Variants in TFDP1 observed in about 807,000 individuals in gnomAD.
TFDP1 encodes DRTF1-polypeptide 1.
Under a neutral mutation model 48.0 loss-of-function variants are expected in TFDP1, and 6 were observed. The observed-to-expected ratio is 0.13, with a 90% CI of 0.07 to 0.25. The LOEUF (loss-of-function observed/expected upper bound fraction) is 0.25, where lower values mean the gene tolerates loss of function less well. Ranked by LOEUF, TFDP1 falls within the 10% of genes least tolerant of loss-of-function variation. TFDP1 has a pLI of 1.00. For missense variants in TFDP1, 335 were observed against 543.0 expected, an observed-to-expected ratio of 0.62 and a Z score of 3.81; for synonymous variants, 201 against 211.6, an observed-to-expected ratio of 0.95 and a Z score of 0.44.
At chr13:113,625,305 C>T (rs74529467) in intron 4 of TFDP1, among the ~76,000 whole-genome samples, 1 of 65,826 alleles carries the variant, frequency 1.5e-5, no homozygotes, top group Non-Finnish European at 2.6e-5. Context: ...GTGTCTCTCA[C>T]GTGTCCTCAC....
chr13:113,625,392 GTCTCACGTGTCCTCAGGTGTC>G (rs2049123098), intron 4 of TFDP1, among the ~76,000 whole-genome samples: 5 of 64,602 alleles, frequency 7.7e-5, no homozygotes, highest in Admixed American at 2.0e-4. Context: ...GTCCTCAGGC[GTCTCACGTGTCCTCAGGTGTC>G]TCTCACGTGT....
intron 3 of TFDP1, among the ~76,000 whole-genome samples, chr13:113,614,382 G>T (rs559216354): frequency 1.3e-5 from 2 of 152,152 alleles, no homozygotes; most frequent in Non-Finnish European, 2.9e-5. Flanking sequence ...GGTCCTCGGC[G>T]CCCTTAGATG....
At chr13:113,638,249 C>T (rs2049548037) in intron 11 of TFDP1, among the ~76,000 whole-genome samples, 1 of 152,130 alleles carries the variant, frequency 6.6e-6, no homozygotes, top group South Asian at 2.1e-4. Context: ...CGTCTGCGGT[C>T]ACAGCGCACG....
chr13:113,586,325 A>G (rs1047183739), intron 2 of TFDP1: 3 of 154,042 alleles, frequency 1.9e-5, no homozygotes, highest in Non-Finnish European at 2.9e-5. Context: ...ACCAAGAGCT[A>G]AGGACTTGTT....
At position 113,640,449 on chromosome 13, in the gene TFDP1, A is replaced by T. The variant is rs1594552038; in HGVS notation, c.*182A>T. The T allele has an allele frequency of 7.0e-6, 7 of 994,080 alleles. No individual in the cohort carries two copies. Among genetic ancestry groups the T allele is most frequent in the Non-Finnish European group, 9.8e-6 (7 of 716,248 alleles). The allele number at this position is 994,080 out of a possible 1,614,324, so 61.6% of individuals were successfully genotyped here. A position where few individuals can be genotyped will look rare whatever the true frequency, so the allele number is the denominator to read the frequency against. On this transcript the variant is annotated 3_prime_UTR_variant, in exon 12 of 12. Coordinates refer to ENST00000375370, the MANE Select transcript of TFDP1 (RefSeq NM_007111.5). ...CCCGTAGGATTAGGACGTGCTGTGG[A>T]TGTGTGTTTTGATACCAGTGTGCTG...
chr13:113,593,742 T>C (rs1206584378), intron 2 of TFDP1, among the ~76,000 whole-genome samples: 3 of 140,474 alleles, frequency 2.1e-5, no homozygotes, highest in South Asian at 4.7e-4. Context: ...GTGATAGGTG[T>C]GGTGTGCGCG....
chr13:113,634,470 G>C, intron 7 of TFDP1, 64 bp from the exon 8 acceptor site: 1 of 1,432,196 alleles, frequency 7.0e-7, no homozygotes, highest in East Asian at 2.3e-5. Context: ...GAGGATGTGG[G>C]TTTTAAAAAA....
intron 3 of TFDP1, among the ~76,000 whole-genome samples, chr13:113,617,531 TTCACCTGCAGAGCCGC>T (rs1298643258): frequency 1.5e-5 from 2 of 136,956 alleles, no homozygotes; most frequent in African/African-American, 5.6e-5. Context: ...TGCAGAACCA[TTCACCTGCAGAGCCGC>T]TCACCTGCAG....
chr13:113,594,287 T>TGGCA (rs1204980102), intron 2 of TFDP1, among the ~76,000 whole-genome samples: 1 of 149,996 alleles, frequency 6.7e-6, no homozygotes, highest in Non-Finnish European at 1.5e-5. Flanking sequence ...CCTGTCCAGG[T>TGGCA]GGCAGGTGTC....
chr13:113,586,166 G>T, intron 2 of TFDP1: 1 of 235,632 alleles, frequency 4.2e-6, no homozygotes. Context: ...TTAAATTGAG[G>T]TGGAGGGTGT....
chr13:113,619,481 C>CAAA (rs1162300447), intron 3 of TFDP1, among the ~76,000 whole-genome samples: 15 of 110,498 alleles, frequency 1.4e-4, no homozygotes, highest in African/African-American at 2.9e-4. Flanking sequence ...AAAAAAAAAA[C>CAAA]AAAAAAAAAA....
chr13:113,589,408 T>C lies in TFDP1; in HGVS notation c.12+3559T>C, dbSNP rs570088380. ...CAAGATTATGGGCTGCTCCTGGCAATATGGGGAGGATTTCCTTGCTGTGGG... is the reference window on the plus strand; with the variant it reads ...CAAGATTATGGGCTGCTCCTGGCAACATGGGGAGGATTTCCTTGCTGTGGG... On this transcript the variant is annotated intron_variant, in intron 2 of 11. Coordinates refer to ENST00000375370, the MANE Select transcript of TFDP1 (RefSeq NM_007111.5). 7.2e-4 allele frequency among the ~76,000 whole-genome samples: 109 copies of C among 152,210 alleles called. 1 individual carries two copies. In the South Asian group the frequency reaches 0.022, roughly 31 times the overall value.
At chr13:113,589,295 G>A (rs1281398508) in intron 2 of TFDP1, among the ~76,000 whole-genome samples, 1 of 152,190 alleles carries the variant, frequency 6.6e-6, no homozygotes, top group Non-Finnish European at 1.5e-5. Flanking sequence ...CTGCCATACG[G>A]CCACCTGGCT....
chr13:113,624,792 C>G (rs1274155065), intron 4 of TFDP1, among the ~76,000 whole-genome samples: 1 of 145,732 alleles, frequency 6.9e-6, no homozygotes, highest in Non-Finnish European at 1.5e-5. Flanking sequence ...GGGTATCTCT[C>G]ACATGTCCTC....
At position 113,641,274 on chromosome 13, in the gene TFDP1, CTT is replaced by C. The variant is rs985924051; in HGVS notation, c.*1010_*1011del. ...GGAATTTAAGGACAGGCAGTAGTCT[CTT>C]TTAAAATTTATTCACAAAACCCATT... On this transcript the variant is annotated 3_prime_UTR_variant, in exon 12 of 12. Coordinates refer to ENST00000375370, the MANE Select transcript of TFDP1 (RefSeq NM_007111.5). 4 of 152,256 alleles carry C rather than the reference CTT, an allele frequency of 2.6e-5. No homozygotes were observed. Among genetic ancestry groups the C allele is most frequent in the African/African-American group, 7.2e-5 (3 of 41,426 alleles). The allele number at this position is 152,256 out of a possible 1,614,324, so 9.4% of individuals were successfully genotyped here.
intron 11 of TFDP1, among the ~76,000 whole-genome samples, chr13:113,638,501 G>C (rs921696780): frequency 6.7e-6 from 1 of 149,876 alleles, no homozygotes; most frequent in African/African-American, 2.5e-5. Context: ...TTGCGAACGC[G>C]TCTGTGATTA....
At chr13:113,625,831 G>GTC (rs202180840) in intron 4 of TFDP1, among the ~76,000 whole-genome samples, 5 of 127,934 alleles carry the variant, frequency 3.9e-5, no homozygotes, top group South Asian at 2.6e-4. Flanking sequence ...GTCCTCAGGT[G>GTC]TCTCACGCGT....
intron 3 of TFDP1, among the ~76,000 whole-genome samples, chr13:113,616,722 G>A (rs550363152): frequency 7.3e-4 from 111 of 152,194 alleles, no homozygotes; most frequent in African/African-American, 2.4e-3. Flanking sequence ...TTCCTCACTC[G>A]TGACCGTCGC....
At chr13:113,636,442 G>C in intron 9 of TFDP1, 92 bp from the exon 10 acceptor site, 1 of 1,403,004 alleles carries the variant, frequency 7.1e-7, no homozygotes, top group Non-Finnish European at 9.9e-7. Context: ...GCTGTGTGTG[G>C]CGGTCAGCGG....
Sources: gnomAD v4.1 joint callset for allele counts (sites outside exome capture counted in the v4.1 genomes callset) on GRCh38, gnomAD v4.1.1 for gene constraint, MANE v1.5 for transcripts, NCBI Gene and HGNC (gene_info 2026-07-23, HGNC 2026-07-21) for gene names.